The following PCDH11X variants were observed in gnomAD, a reference collection of about 807,000 sequenced individuals.
PCDH11X encodes protocadherin-11 X-linked.
A neutral mutation model predicts 53.3 loss-of-function variants in PCDH11X; 18 were observed. The ratio of observed to expected loss-of-function variants is 0.34; its 90% CI spans 0.23 to 0.50. The LOEUF (loss-of-function observed/expected upper bound fraction) is 0.50, where lower values mean the gene tolerates loss of function less well. PCDH11X is among the 20% of genes least tolerant of loss of function. PCDH11X has a pLI of 0.98. For synonymous variants in PCDH11X, 279 were observed against 393.3 expected, an observed-to-expected ratio of 0.71 and a Z score of 3.44; for missense variants, 570 against 1,032.4, an observed-to-expected ratio of 0.55 and a Z score of 6.14.
At chrX:92,205,573 T>C (rs1001016225) in intron 7 of PCDH11X, among the ~76,000 whole-genome samples, 1 of 107,055 alleles carries the variant, frequency 9.3e-6, no homozygotes, top group Non-Finnish European at 1.9e-5. Flanking sequence ...TTTTCCTCGA[T>C]GAATAAGAAG....
chrX:91,817,928 C>T (rs1463517061), intron 4 of PCDH11X, among the ~76,000 whole-genome samples: 2 of 111,333 alleles, frequency 1.8e-5, no homozygotes, highest in African/African-American at 6.5e-5. Flanking sequence ...ACCCTGTGAT[C>T]GCAATTTCCT....
At chrX:92,343,700 G>A (rs2069820593) in intron 8 of PCDH11X, among the ~76,000 whole-genome samples, 1 of 111,258 alleles carries the variant, frequency 9.0e-6, no homozygotes, top group Non-Finnish European at 1.9e-5. Flanking sequence ...TGTGCCTTTA[G>A]CAATAACGTT....
chrX:91,850,668 A>T (rs1937955427), intron 5 of PCDH11X, among the ~76,000 whole-genome samples: 1 of 111,939 alleles, frequency 8.9e-6, no homozygotes, highest in African/African-American at 3.2e-5. Flanking sequence ...TCTTATCAAG[A>T]TATGACTTTC....
intron 10 of PCDH11X, among the ~76,000 whole-genome samples, chrX:92,493,893 C>G (rs770464079): frequency 9.1e-6 from 1 of 109,854 alleles, no homozygotes; most frequent in Non-Finnish European, 1.9e-5. Flanking sequence ...GCAATCCAAC[C>G]GCCTCGGCCT....
chrX:91,896,165 C>T (rs1046998532), intron 6 of PCDH11X, among the ~76,000 whole-genome samples: 3 of 109,206 alleles, frequency 2.7e-5, no homozygotes, highest in African/African-American at 1.0e-4. Flanking sequence ...CTCTCTGTCA[C>T]CCAGGCTGGA....
At chrX:92,102,552 G>A (rs1000760316) in intron 6 of PCDH11X, among the ~76,000 whole-genome samples, 12 of 111,738 alleles carry the variant, frequency 1.1e-4, no homozygotes. Context: ...GCCGAAATAG[G>A]TAACAGATGA....
chrX:92,333,333 C>CT (rs1234545289), intron 8 of PCDH11X, among the ~76,000 whole-genome samples: 2 of 110,712 alleles, frequency 1.8e-5, no homozygotes, highest in African/African-American at 3.3e-5. Context: ...TTGTTTTTTT[C>CT]TTTTTTATGG....
chrX:92,422,745 A>G (rs1443105175), intron 9 of PCDH11X, among the ~76,000 whole-genome samples: 3 of 111,976 alleles, frequency 2.7e-5, no homozygotes, highest in East Asian at 5.6e-4. Context: ...TGTTTTCCAT[A>G]GTGGTTGTAC....
intron 6 of PCDH11X, among the ~76,000 whole-genome samples, chrX:91,971,352 G>C (rs989693332): frequency 4.6e-5 from 5 of 108,571 alleles, no homozygotes; most frequent in Non-Finnish European, 9.5e-5. Flanking sequence ...AAGGACACTT[G>C]ACTCTTGTTA....
intron 6 of PCDH11X, among the ~76,000 whole-genome samples, chrX:91,995,846 C>CTTTTTT (rs1216982938): frequency 9.7e-6 from 1 of 103,448 alleles, no homozygotes. Context: ...GTATTATCTT[C>CTTTTTT]TTTTTGTTTT....
At chrX:91,981,168 G>T (rs949330234) in intron 6 of PCDH11X, among the ~76,000 whole-genome samples, 3 of 107,094 alleles carry the variant, frequency 2.8e-5, no homozygotes, top group African/African-American at 1.0e-4. Flanking sequence ...TACAGTGACA[G>T]TCTTACATTT....
At chrX:92,136,873 G>C (rs1331785638) in intron 6 of PCDH11X, among the ~76,000 whole-genome samples, 1 of 107,389 alleles carries the variant, frequency 9.3e-6, no homozygotes, top group African/African-American at 3.4e-5. Context: ...ATTTGGGAAG[G>C]GGTAGGAAGT....
intron 6 of PCDH11X, among the ~76,000 whole-genome samples, chrX:92,001,453 G>T (rs2062506679): frequency 3.0e-5 from 3 of 98,974 alleles, no homozygotes; most frequent in African/African-American, 3.6e-5. Context: ...AGAGTTATTT[G>T]AGCTCTTTTT....
chrX:92,157,500 G>C (rs986415194), intron 6 of PCDH11X, among the ~76,000 whole-genome samples: 3 of 111,921 alleles, frequency 2.7e-5, no homozygotes, highest in African/African-American at 9.7e-5. Context: ...AAATGACAGA[G>C]TGTAAAAGAA....
At chrX:92,194,070 C>T (rs1302565161) in intron 6 of PCDH11X, among the ~76,000 whole-genome samples, 1 of 111,670 alleles carries the variant, frequency 9.0e-6, no homozygotes, top group African/African-American at 3.2e-5. Flanking sequence ...ATGGTAACAG[C>T]AGTGACAGTA....
intron 10 of PCDH11X, among the ~76,000 whole-genome samples, chrX:92,589,550 C>T (rs951045059): frequency 1.8e-5 from 2 of 111,184 alleles, no homozygotes; most frequent in Non-Finnish European, 3.8e-5. Context: ...AGATAGTATT[C>T]GCAAGCCTCA....
intron 5 of PCDH11X, among the ~76,000 whole-genome samples, chrX:91,857,568 TG>T (rs1938422239): frequency 8.9e-6 from 1 of 112,103 alleles, no homozygotes; most frequent in Admixed American, 9.4e-5. Flanking sequence ...CTGGATACAA[TG>T]GGTGTACAGG....
chrX:92,445,446 A>C (rs1159961738), intron 9 of PCDH11X, among the ~76,000 whole-genome samples: 10 of 104,668 alleles, frequency 9.6e-5, no homozygotes, highest in Non-Finnish European at 3.9e-5. Flanking sequence ...ACTTGCTTGA[A>C]AAAAAAAATG....
chrX:92,433,652 G>A (rs35173911), intron 9 of PCDH11X, among the ~76,000 whole-genome samples: 43 of 110,478 alleles, frequency 3.9e-4, no homozygotes, highest in African/African-American at 1.4e-3. Context: ...AAAAACATGA[G>A]GTTGGAATCA....
Sources: gnomAD v4.1 joint callset for allele counts (sites outside exome capture counted in the v4.1 genomes callset) on GRCh38, gnomAD v4.1.1 for gene constraint, MANE v1.5 for transcripts, NCBI Gene and HGNC (gene_info 2026-07-23, HGNC 2026-07-21) for gene names.